The following EPHA5 variants were observed in gnomAD, a reference collection of about 807,000 sequenced individuals.
EPHA5 encodes the protein ephrin type-A receptor 5.
Under a neutral mutation model 105.0 loss-of-function variants are expected in EPHA5, and 60 were observed. That is an observed-to-expected ratio of 0.57 (90% CI 0.46 to 0.71). The LOEUF (loss-of-function observed/expected upper bound fraction) is 0.71, where lower values mean the gene tolerates loss of function less well. Ranked by LOEUF, EPHA5 falls within the 30% of genes least tolerant of loss-of-function variation. The probability of loss-of-function intolerance (pLI) is 0.00; values close to 1 mark genes in which losing one functional copy is unlikely to be tolerated. For synonymous variants in EPHA5, 513 were observed against 449.1 expected (o/e 1.14, Z -1.80); for missense variants, 1,218 against 1,274.7 (o/e 0.96, Z 0.68).
Position 65,365,139 on chromosome 4 carries a change from G to C in EPHA5, c.2051C>G (p.Ala684Gly). The change falls in exon 11 of 17, where the codon GCT becomes GGT. Residue 684 changes from alanine to glycine, a missense_variant. Ala to Gly is a moderately conservative substitution (Grantham distance 60). This residue lies in a region of EPHA5 where 971 missense variants were observed against 1,013.5 expected (regional missense o/e 0.96). Coordinates refer to ENST00000613740, the MANE Select transcript of EPHA5 (RefSeq NM_001281766.3). ...ATAGCCTACTTTAAGGGTTTTGATA[G>C]CCACAGGTAATTCTCTTTTTCCTGG... ...KLPGKRELPV[A>G]IKTLKVGYTE... 1 of 1,611,526 alleles carries C rather than the reference G, an allele frequency of 6.2e-7. No homozygotes were observed.
chr4:65,355,517 C>T (rs959231825), intron 11 of EPHA5, among the ~76,000 whole-genome samples: 1 of 151,552 alleles, frequency 6.6e-6, no homozygotes, highest in Non-Finnish European at 1.5e-5. Context: ...CTTTTCGTCC[C>T]ATTCTCACAT....
chr4:65,482,691 T>C (rs1730492629), intron 5 of EPHA5, among the ~76,000 whole-genome samples: 1 of 152,146 alleles, frequency 6.6e-6, no homozygotes, highest in African/African-American at 2.4e-5. Flanking sequence ...CTGTTAATAG[T>C]GTTCACACTT....
At chr4:65,579,358 GTA>G (rs71657189) in intron 3 of EPHA5, among the ~76,000 whole-genome samples, 55 of 142,770 alleles carry the variant, frequency 3.9e-4, no homozygotes, top group Admixed American at 7.1e-4. Flanking sequence ...ATGTATGTGT[GTA>G]TATATATATA....
intron 3 of EPHA5, among the ~76,000 whole-genome samples, chr4:65,528,603 C>T (rs1299705842): frequency 6.6e-6 from 1 of 152,072 alleles, no homozygotes; most frequent in Admixed American, 6.6e-5. Flanking sequence ...TTCAAGATAT[C>T]CAGTGATTTG....
chr4:65,410,011 CA>C (rs1344718145), intron 7 of EPHA5, among the ~76,000 whole-genome samples: 1 of 152,094 alleles, frequency 6.6e-6, no homozygotes, highest in African/African-American at 2.4e-5. Context: ...CAGTTTCTTA[CA>C]AAATTAGATA....
intron 3 of EPHA5, among the ~76,000 whole-genome samples, chr4:65,563,629 G>A (rs947185408): frequency 3.3e-5 from 5 of 151,986 alleles, no homozygotes; most frequent in African/African-American, 1.2e-4. Flanking sequence ...TAAATCATGT[G>A]TAGCAGAAAG....
chr4:65,623,172 C>T (rs1004100328), intron 2 of EPHA5, among the ~76,000 whole-genome samples: 2 of 151,948 alleles, frequency 1.3e-5, no homozygotes, highest in Non-Finnish European at 2.9e-5. Context: ...GGTTAGTACA[C>T]TATAAATCTC....
chr4:65,546,578 T>C (rs1737395090), intron 3 of EPHA5, among the ~76,000 whole-genome samples: 1 of 152,048 alleles, frequency 6.6e-6, no homozygotes, highest in African/African-American at 2.4e-5. Context: ...TGCAAATGTT[T>C]TAACAACTGT....
intron 1 of EPHA5, among the ~76,000 whole-genome samples, chr4:65,649,660 T>A (rs1342648034): frequency 6.6e-6 from 1 of 152,220 alleles, no homozygotes; most frequent in Non-Finnish European, 1.5e-5. Context: ...TATTTCCTCA[T>A]ATCTTCCTCA....
chr4:65,577,577 T>C (rs1741188399), intron 3 of EPHA5, among the ~76,000 whole-genome samples: 1 of 152,164 alleles, frequency 6.6e-6, no homozygotes, highest in South Asian at 2.1e-4. Flanking sequence ...ATAATTTAAA[T>C]CTAATTTACT....
At chr4:65,417,235 A>C (rs1201160840) in intron 6 of EPHA5, among the ~76,000 whole-genome samples, 1 of 152,246 alleles carries the variant, frequency 6.6e-6, no homozygotes, top group African/African-American at 2.4e-5. Flanking sequence ...CCAGCTGGCA[A>C]ATGCATGTGC....
chr4:65,427,337 C>T (rs1233617424), intron 5 of EPHA5, among the ~76,000 whole-genome samples: 1 of 151,758 alleles, frequency 6.6e-6, no homozygotes, highest in Admixed American at 6.6e-5. Flanking sequence ...GCGCCTGCCA[C>T]TGCACCCGGC....
At chr4:65,493,417 C>G (rs1423090132) in intron 4 of EPHA5, among the ~76,000 whole-genome samples, 3 of 152,006 alleles carry the variant, frequency 2.0e-5, no homozygotes, top group Middle Eastern at 3.4e-3. Flanking sequence ...GAAGTTGGAG[C>G]TATAAATTCA....
chr4:65,427,878 A>G (rs952840014), intron 5 of EPHA5, among the ~76,000 whole-genome samples: 1 of 152,154 alleles, frequency 6.6e-6, no homozygotes, highest in Non-Finnish European at 1.5e-5. Flanking sequence ...TTGGTATAAT[A>G]CTGTCTTTCA....
At position 65,541,702 on chromosome 4, in the gene EPHA5, A is replaced by G. The variant is rs146360843; in HGVS notation, c.911-46159T>C. Among the ~76,000 whole-genome samples, 287 of 152,100 alleles carry G rather than the reference A, an allele frequency of 1.9e-3. 1 individual carries two copies. The highest frequency in any genetic ancestry group is 6.7e-3 in the African/African-American group (278 of 41,538). On this transcript the variant is annotated intron_variant, in intron 3 of 16. Transcript: ENST00000613740. ...TATTGGACAGATAAATCAGACAGAC[A>G]ATTAACAAGGATATTCAGGACTTGA...
At chr4:65,657,303 G>A (rs1336912875) in intron 1 of EPHA5, among the ~76,000 whole-genome samples, 1 of 152,028 alleles carries the variant, frequency 6.6e-6, no homozygotes, top group African/African-American at 2.4e-5. Flanking sequence ...GTAAAATTAA[G>A]ACATGCTTAA....
At chr4:65,411,895 T>C (rs1722946145) in intron 7 of EPHA5, among the ~76,000 whole-genome samples, 1 of 152,172 alleles carries the variant, frequency 6.6e-6, no homozygotes. Context: ...AAAGAAACCC[T>C]TTGATGGCTA....
rs1049424618 is a variant in EPHA5, at chr4:65,501,950, C to T, written c.911-6407G>A. ...ATAGAGAATCCAGAATAAAACTGCA[C>T]ACCTACAACCTTTTGATCTTTTACA... On this transcript the variant is annotated intron_variant, in intron 3 of 16. Transcript: ENST00000613740. Among the ~76,000 whole-genome samples the T allele has an allele frequency of 5.3e-5, 8 of 151,366 alleles. No individual in the cohort carries two copies. The Admixed American group carries it at 5.3e-4, about 10-fold the overall frequency.
chr4:65,663,643 A>G (rs1294437786), intron 1 of EPHA5, among the ~76,000 whole-genome samples: 1 of 152,042 alleles, frequency 6.6e-6, no homozygotes, highest in Non-Finnish European at 1.5e-5. Context: ...TGCGATTTTT[A>G]AAATCTGATT....
Sources: gnomAD v4.1 joint callset for allele counts (sites outside exome capture counted in the v4.1 genomes callset) on GRCh38, gnomAD v4.1.1 for gene constraint, gnomAD v4.1.1 regional missense constraint, MANE v1.5 for transcripts, NCBI Gene and HGNC (gene_info 2026-07-23, HGNC 2026-07-21) for gene names.